The following KCNIP4 variants were observed in gnomAD, a reference collection of about 807,000 sequenced individuals.
KCNIP4 encodes Kv channel-interacting protein 4.
KCNIP4 carries 12 observed loss-of-function variants against 34.0 expected under a neutral mutation model. The observed-to-expected ratio is 0.35, with a 90% CI of 0.23 to 0.57. KCNIP4 has a LOEUF of 0.57. Ranked by LOEUF, KCNIP4 falls within the 20% of genes least tolerant of loss-of-function variation. The pLI is 0.83. For synonymous variants in KCNIP4, 124 were observed against 102.2 expected, an observed-to-expected ratio of 1.21 and a Z score of -1.29; for missense variants, 238 against 311.7, an observed-to-expected ratio of 0.76 and a Z score of 1.78.
At chr4:20,886,509 T>G (rs1725332276) in intron 1 of KCNIP4, among the ~76,000 whole-genome samples, 1 of 152,128 alleles carries the variant, frequency 6.6e-6, no homozygotes, top group Non-Finnish European at 1.5e-5. Context: ...ATGCACGATA[T>G]CCAAGGCTTC....
At chr4:21,844,053 T>TTCACTCAC (rs1275097642) in intron 1 of KCNIP4, 1 of 151,904 alleles carries the variant, frequency 6.6e-6, no homozygotes, top group Non-Finnish European at 1.5e-5. Flanking sequence ...TTGCAATGCA[T>TTCACTCAC]TCACTCACTC....
chr4:21,837,234 A>C (rs1723385186), intron 1 of KCNIP4, among the ~76,000 whole-genome samples: 1 of 149,782 alleles, frequency 6.7e-6, no homozygotes, highest in Admixed American at 6.6e-5. Context: ...GATAACATTT[A>C]TCAAAAGAAA....
chr4:21,470,469 A>C (rs1046666079), intron 1 of KCNIP4, among the ~76,000 whole-genome samples: 12 of 152,192 alleles, frequency 7.9e-5, no homozygotes, highest in African/African-American at 2.9e-4. Context: ...TCTACAGATG[A>C]GAAAATTGAA....
intron 1 of KCNIP4, among the ~76,000 whole-genome samples, chr4:21,390,053 T>A (rs1375611507): frequency 6.7e-6 from 1 of 149,826 alleles, no homozygotes; most frequent in African/African-American, 2.4e-5. Context: ...TGATGGCCAG[T>A]GATGATGAGC....
intron 1 of KCNIP4, among the ~76,000 whole-genome samples, chr4:20,902,553 C>T (rs1232367012): frequency 6.6e-6 from 1 of 152,114 alleles, no homozygotes; most frequent in African/African-American, 2.4e-5. Context: ...GAGTTTCACT[C>T]TTGTTGCCCA....
chr4:21,284,717 T>C (rs1762994158), intron 1 of KCNIP4, among the ~76,000 whole-genome samples: 3 of 148,738 alleles, frequency 2.0e-5, no homozygotes, highest in Admixed American at 2.0e-4. Context: ...TTCCTGTTAC[T>C]GCGCATGTGG....
chr4:21,366,928 TAGTA>T (rs540061128), intron 1 of KCNIP4, among the ~76,000 whole-genome samples: 214 of 152,244 alleles, frequency 1.4e-3, no homozygotes, highest in Non-Finnish European at 2.6e-3. Flanking sequence ...ACCAATGTGT[TAGTA>T]TTAAGAGCTG....
At chr4:21,583,951 A>T (rs1741424827) in intron 1 of KCNIP4, among the ~76,000 whole-genome samples, 1 of 152,092 alleles carries the variant, frequency 6.6e-6, no homozygotes, top group African/African-American at 2.4e-5. Flanking sequence ...TATGAACATA[A>T]AACATGCCTC....
At chr4:21,741,752 C>T (rs1374520891) in intron 1 of KCNIP4, among the ~76,000 whole-genome samples, 1 of 152,080 alleles carries the variant, frequency 6.6e-6, no homozygotes, top group Non-Finnish European at 1.5e-5. Flanking sequence ...CTGAAAAATA[C>T]ACTAGGCCGG....
At chr4:21,189,416 T>C (rs1560794077) in intron 1 of KCNIP4, among the ~76,000 whole-genome samples, 1 of 152,230 alleles carries the variant, frequency 6.6e-6, no homozygotes, top group Non-Finnish European at 1.5e-5. Flanking sequence ...GGCATTTGTA[T>C]CTCTGTTTAA....
At chr4:21,524,882 T>C (rs1413736864) in intron 1 of KCNIP4, among the ~76,000 whole-genome samples, 1 of 152,256 alleles carries the variant, frequency 6.6e-6, no homozygotes, top group Admixed American at 6.5e-5. Flanking sequence ...ATGACTTCTG[T>C]CTTAATTTAC....
At chr4:21,912,125 T>C (rs1030911675) in intron 1 of KCNIP4, among the ~76,000 whole-genome samples, 21 of 152,288 alleles carry the variant, frequency 1.4e-4, no homozygotes, top group African/African-American at 4.8e-4. Context: ...TCTCATTTTT[T>C]AAACTGTAAT....
intron 1 of KCNIP4, among the ~76,000 whole-genome samples, chr4:21,341,871 C>T (rs896031521): frequency 4.6e-5 from 7 of 152,128 alleles, no homozygotes. Flanking sequence ...AGCCTGATAT[C>T]TTCAACTGCT....
chr4:21,567,633 A>T (rs1740015901), intron 1 of KCNIP4, among the ~76,000 whole-genome samples: 1 of 152,206 alleles, frequency 6.6e-6, no homozygotes, highest in African/African-American at 2.4e-5. Context: ...TCATGCTTAG[A>T]GCCAGGGAAA....
At chr4:21,566,820 G>C (rs2109043224) in intron 1 of KCNIP4, among the ~76,000 whole-genome samples, 1 of 152,208 alleles carries the variant, frequency 6.6e-6, no homozygotes, top group East Asian at 1.9e-4. Context: ...CCAGACATCA[G>C]TTGCTGGGGA....
intron 1 of KCNIP4, among the ~76,000 whole-genome samples, chr4:21,588,191 G>C (rs1051895861): frequency 6.6e-6 from 1 of 151,880 alleles, no homozygotes; most frequent in Non-Finnish European, 1.5e-5. Context: ...TTTCTTTTAA[G>C]ATATAAAATA....
chr4:20,961,075 C>A (rs2149659723), intron 1 of KCNIP4, among the ~76,000 whole-genome samples: 1 of 152,150 alleles, frequency 6.6e-6, no homozygotes, highest in Non-Finnish European at 1.5e-5. Flanking sequence ...ATTGCTTTTC[C>A]ACTTCATAAT....
intron 1 of KCNIP4, among the ~76,000 whole-genome samples, chr4:21,347,678 T>C (rs1228904430): frequency 6.6e-6 from 1 of 152,190 alleles, no homozygotes; most frequent in African/African-American, 2.4e-5. Flanking sequence ...ATGTTACATA[T>C]AAAGCATGGA....
intron 1 of KCNIP4, among the ~76,000 whole-genome samples, chr4:21,781,156 GT>G (rs1719550535): frequency 6.6e-6 from 1 of 152,080 alleles, no homozygotes; most frequent in Non-Finnish European, 1.5e-5. Context: ...CGTGGGGGTG[GT>G]TTCCCCCATG....
Sources: gnomAD v4.1 joint callset for allele counts (sites outside exome capture counted in the v4.1 genomes callset) on GRCh38, gnomAD v4.1.1 for gene constraint, MANE v1.5 for transcripts, NCBI Gene and HGNC (gene_info 2026-07-23, HGNC 2026-07-21) for gene names.